CHST5: variants seen among roughly 807,000 people sequenced by gnomAD.
The protein encoded by CHST5 is GST4-alpha.
For synonymous variants in CHST5, 313 were observed against 279.2 expected, an observed-to-expected ratio of 1.12 and a Z score of -1.21; for missense variants, 637 against 602.1, an observed-to-expected ratio of 1.06 and a Z score of -0.61.
In CHST5 at chr16:75,529,373, T is replaced by A. The variant is rs762281448; in HGVS notation, c.1012A>T (p.Ile338Phe). The change falls in exon 4 of 4, where the codon ATC (isoleucine) becomes TTC (phenylalanine). Residue 338 changes from isoleucine to phenylalanine, a missense_variant. Physicochemically the swap from Ile to Phe is conservative, Grantham distance 21 (BLOSUM62 0). Transcript: ENST00000336257. ...CTAGACGAAGTATGGAAGGCCTCGA[T>A]TGGCTTGCCGATCCCCGACCCGTGG... ...ITHGSGIGKP[I>F]EAFHTSSRNA... The A allele has an allele frequency of 6.2e-7, 1 of 1,613,128 alleles. No individual in the cohort carries two copies. Among genetic ancestry groups the A allele is most frequent in the South Asian group, 1.1e-5 (1 of 91,078 alleles).
In CHST5 at chr16:75,529,160, A is replaced by T. The variant is rs2080487210; in HGVS notation, c.1225T>A (p.Ser409Thr). ...AAGGCCCAGAGTTCTCAGTCAGGCG[A>T]TGCCCAGCTGAAGTGGTCTGGGCCT... ...PRGPDHFSWA[S>T]PD Residue 409 changes from serine (S) to threonine (T), a missense_variant, in exon 4 of 4, where the codon TCG becomes ACG. Physicochemically the swap from Ser to Thr is moderately conservative, Grantham distance 58. Coordinates refer to ENST00000336257, the MANE Select transcript of CHST5 (RefSeq NM_024533.5). 6.3e-7 allele frequency: 1 copy of T among 1,581,728 alleles called. No individual in the cohort carries two copies. The highest frequency in any genetic ancestry group is 1.2e-5 in the South Asian group (1 of 86,598).
Position 75,529,554 on chromosome 16 carries a change from G to A in CHST5, c.831C>T (p.Ala277=). ...VCRSHVRIAE[A]ATLKPPPFLR... is the part of the protein sequence containing the mutation. ...GGAAGGGTGGCGGCTTGAGTGTGGC[G>A]GCCTCGGCGATGCGCACGTGGCTGC... Residue 277 remains alanine (A), a synonymous_variant, in exon 4 of 4, where the codon GCC becomes GCT. Coordinates refer to ENST00000336257, the MANE Select transcript of CHST5 (RefSeq NM_024533.5). 1.2e-6 allele frequency: 2 copies of A among 1,609,186 alleles called. No homozygotes were observed. The highest frequency in any genetic ancestry group is 1.3e-5 in the African/African-American group (1 of 74,990).
chr16:75,528,875 T>C lies in CHST5; in HGVS notation c.*274A>G, dbSNP rs1291634910. ...GCACACATTTAATTTAATTTAGCAG[T>C]AACTTACTCCCTGCGCCCAGAAGAG... is the stretch of plus-strand genomic sequence containing the variant. On this transcript the variant is annotated 3_prime_UTR_variant, in exon 4 of 4. Coordinates refer to ENST00000336257, the MANE Select transcript of CHST5 (RefSeq NM_024533.5). 2.8e-6 allele frequency: 1 copy of C among 358,854 alleles called. No homozygotes were observed. Among genetic ancestry groups the C allele is most frequent in the Non-Finnish European group, 5.0e-6 (1 of 198,834 alleles). The allele number at this position is 358,854 out of a possible 1,614,324, so 22.2% of individuals were successfully genotyped here.
At chr16:75,535,512 A>ACTGCGGCCCGCGCCCT (rs1200360365) in intron 1 of CHST5, among the ~76,000 whole-genome samples, 103 bp from the exon 2 acceptor site, 2 of 152,198 alleles carry the variant, frequency 1.3e-5, no homozygotes, top group Admixed American at 6.5e-5. Context: ...GGAGCCCGGC[A>ACTGCGGCCCGCGCCCT]CTGCGGCCCG....
At position 75,529,271 on chromosome 16, in the gene CHST5, C is replaced by T; in HGVS notation, c.1114G>A (p.Ala372Thr). 1 of 1,613,104 alleles carries T rather than the reference C, an allele frequency of 6.2e-7. No individual in the cohort carries two copies. Among genetic ancestry groups the T allele is most frequent in the Non-Finnish European group, 8.5e-7 (1 of 1,179,932 alleles). The change falls in exon 4 of 4, where the codon GCC becomes ACC. Residue 372 changes from alanine (A) to threonine (T), a missense_variant. Ala to Thr is a moderately conservative substitution (Grantham distance 58, BLOSUM62 0). Transcript: ENST00000336257. Reference sequence around the variant, plus strand: ...TAGCCCAGCAGCTGCAGCGCGCCGGCGCACACCTCCTGCACGCGCAGGATC... The same window carrying T: ...TAGCCCAGCAGCTGCAGCGCGCCGGTGCACACCTCCTGCACGCGCAGGATC... ...TKILRVQEVC[A>T]GALQLLGYRP...
At position 75,530,303 on chromosome 16, in the gene CHST5, A is replaced by G. The variant is rs1244914214; in HGVS notation, c.82T>C (p.Ser28Pro). Residue 28 changes from serine (S) to proline (P), a missense_variant, in exon 4 of 4, where the codon TCC becomes CCC. Transcript: ENST00000336257. ...PAARMWLPRFSSKTVTVLLLA... is the reference protein window; with the variant it reads ...PAARMWLPRFPSKTVTVLLLA... ...AGGAGCACTGTCACTGTCTTGCTGG[A>G]GAACCGTGGCAGCCACATGCGGGCG... 6.2e-7 allele frequency: 1 copy of G among 1,610,472 alleles called. No individual in the cohort carries two copies. Among genetic ancestry groups the G allele is most frequent in the African/African-American group, 1.3e-5 (1 of 74,990 alleles).
intron 2 of CHST5, among the ~76,000 whole-genome samples, chr16:75,534,673 C>T (rs2080548741): frequency 6.6e-6 from 1 of 152,100 alleles, no homozygotes; most frequent in South Asian, 2.1e-4. Context: ...AACAAAAAAA[C>T]ATTTCCTAGG....
At position 75,535,413 on chromosome 16, in the gene CHST5, G is replaced by C. The variant is rs1271042055; in HGVS notation, c.-1634-4C>G. 1.3e-5 allele frequency among the ~76,000 whole-genome samples: 2 copies of C among 152,158 alleles called. No individual in the cohort carries two copies. Among genetic ancestry groups the C allele is most frequent in the Non-Finnish European group, 2.9e-5 (2 of 68,032 alleles). ...GGAGACTCGAGGCAGAGCGAATCTG[G>C]GAACAGGGCAGGAGTCCCAGAATGG... On this transcript the variant is annotated splice_polypyrimidine_tract_variant and splice_region_variant and intron_variant, in intron 1 of 3. Transcript: ENST00000336257.
chr16:75,535,858 AC>A (rs2080557553), intron 1 of CHST5, among the ~76,000 whole-genome samples, 185 bp downstream of exon 1: 1 of 152,112 alleles, frequency 6.6e-6, no homozygotes, highest in African/African-American at 2.4e-5. Flanking sequence ...GAACGTTGTA[AC>A]CCTTCCTCAC....
At chr16:75,533,038 G>C (rs1484219147) in intron 3 of CHST5, 51 bp downstream of exon 3, 1 of 679,256 alleles carries the variant, frequency 1.5e-6, no homozygotes, top group Non-Finnish European at 2.7e-6. Context: ...GGCCAGCCCA[G>C]CCCTTCCCTG....
rs139095618 is a variant in CHST5, at chr16:75,530,166, C to T, written c.219G>A (p.Ser73=). Reference sequence around the variant, plus strand: ...AGAGCTGGCCCAAGAAGGATGAGCCCGAGCGCCACGAGGACAGCACCAGCA... The same window carrying T: ...AGAGCTGGCCCAAGAAGGATGAGCCTGAGCGCCACGAGGACAGCACCAGCA... ...VHVLVLSSWR[S]GSSFLGQLFS... is the part of the protein sequence containing the mutation. The change falls in exon 4 of 4, where the codon TCG becomes TCA. Residue 73 remains serine (S), a synonymous_variant. Transcript: ENST00000336257. 8.7e-6 allele frequency: 14 copies of T among 1,613,444 alleles called. No homozygotes were observed. In the African/African-American group the frequency reaches 1.1e-4, roughly 12 times the overall value.
chr16:75,533,205 A>G (rs900923891), intron 2 of CHST5, 22 bp from the exon 3 acceptor site: 2 of 702,308 alleles, frequency 2.8e-6, no homozygotes, highest in African/African-American at 3.5e-5. Flanking sequence ...ACTTACATTC[A>G]GCACAGTGGA....
At chr16:75,533,933 G>A (rs577651421) in intron 2 of CHST5, among the ~76,000 whole-genome samples, 1 of 150,978 alleles carries the variant, frequency 6.6e-6, no homozygotes, top group South Asian at 2.1e-4. Context: ...TCAGCTACTT[G>A]GAGGCTGAGG....
chr16:75,533,195 A>G lies in CHST5; in HGVS notation c.-1351-12T>C, dbSNP rs1343619580. The G allele has an allele frequency of 1.4e-6, 1 of 702,380 alleles. No individual in the cohort carries two copies. The highest frequency in any genetic ancestry group is 1.7e-5 in the African/African-American group (1 of 57,374). 43.5% of individuals were successfully genotyped at this position (702,380 alleles called of 1,614,324 possible). A position where few individuals can be genotyped will look rare whatever the true frequency, so the allele number is the denominator to read the frequency against. The stretch of plus-strand genomic sequence containing the variant: ...TCACTGGGAGCTTTCTGATAAGGAG[A>G]CTTACATTCAGCACAGTGGACAATT... On this transcript the variant is annotated splice_polypyrimidine_tract_variant and intron_variant, in intron 2 of 3. Transcript: ENST00000336257.
At chr16:75,532,549 T>C (rs532794399) in intron 3 of CHST5, among the ~76,000 whole-genome samples, 2 of 152,084 alleles carry the variant, frequency 1.3e-5, no homozygotes, top group African/African-American at 2.4e-5. Context: ...TTCGCCTCAA[T>C]GCGGGGACAG....
At chr16:75,532,931 C>G (rs1013757993) in intron 3 of CHST5, among the ~76,000 whole-genome samples, 158 bp downstream of exon 3, 2 of 152,204 alleles carry the variant, frequency 1.3e-5, no homozygotes, top group Admixed American at 6.5e-5. Flanking sequence ...TCCGAAGCTC[C>G]TGGCACTTCT....
At chr16:75,535,824 C>G (rs2080557248) in intron 1 of CHST5, among the ~76,000 whole-genome samples, 1 of 152,214 alleles carries the variant, frequency 6.6e-6, no homozygotes, top group Non-Finnish European at 1.5e-5. Context: ...GGCAGAGTCA[C>G]TTCTCATCTA....
chr16:75,530,505 T>A lies in CHST5; in HGVS notation c.-121A>T, dbSNP rs1311933924. On this transcript the variant is annotated 5_prime_UTR_variant, in exon 4 of 4. The change abolishes the stop of an existing upstream ORF in the 5' untranslated region. Transcript: ENST00000336257. ...CGAGCACTTTCCCAGGAATACGGAG[T>A]CAAGACATAGGCCAGAATATAGTCT... 2 of 1,448,420 alleles carry A rather than the reference T, an allele frequency of 1.4e-6. No homozygotes were observed. The highest frequency in any genetic ancestry group is 1.8e-6 in the Non-Finnish European group (2 of 1,098,946). 89.7% of individuals were successfully genotyped at this position (1,448,420 alleles called of 1,614,324 possible).
In CHST5 at chr16:75,530,207, C is replaced by A; in HGVS notation, c.178G>T (p.Glu60Ter). The change falls in exon 4 of 4, where the codon GAG (glutamate) becomes TAG (stop). Residue 60 changes from glutamate to a stop codon, truncating the protein, a stop_gained. Transcript: ENST00000336257. LOFTEE classifies it low-confidence loss of function (END_TRUNC). ...AGCACCAGCACGTGCACACGATCCT[C>A]GCCGCCGGCTGGGGATGAGGGCCCT... ...RPGPSSPAGG[E>*]DRVHVLVLSS... 1 of 1,613,648 alleles carries A rather than the reference C, an allele frequency of 6.2e-7. No individual in the cohort carries two copies. Among genetic ancestry groups the A allele is most frequent in the Non-Finnish European group, 8.5e-7 (1 of 1,179,960 alleles).
Sources: allele counts gnomAD v4.1 joint callset (sites outside exome capture counted in the v4.1 genomes callset), GRCh38; gene constraint gnomAD v4.1.1; transcripts MANE v1.5; gene names NCBI Gene and HGNC (gene_info 2026-07-23, HGNC 2026-07-21).